The following GPCPD1 variants were observed in gnomAD, a reference collection of about 807,000 sequenced individuals.
The protein encoded by GPCPD1 is glycerophosphocholine phosphodiesterase GPCPD1.
Under a neutral mutation model 89.2 loss-of-function variants are expected in GPCPD1, and 29 were observed. That is an observed-to-expected ratio of 0.33 (90% CI 0.24 to 0.44). The LOEUF (loss-of-function observed/expected upper bound fraction) is 0.44. Among genes scored for constraint, GPCPD1 ranks in the 20% least tolerant of loss-of-function variants. The pLI is 1.00. For synonymous variants in GPCPD1, 258 were observed against 266.3 expected (o/e 0.97, Z 0.30); for missense variants, 594 against 808.9 (o/e 0.73, Z 3.22).
At chr20:5,602,602 C>T (rs1029116866) in intron 2 of GPCPD1, among the ~76,000 whole-genome samples, 6 of 152,374 alleles carry the variant, frequency 3.9e-5, no homozygotes, top group Middle Eastern at 3.4e-3. Flanking sequence ...GTCATTCACT[C>T]ATTCTTTGAA....
At chr20:5,602,707 G>T (rs891318903) in intron 2 of GPCPD1, among the ~76,000 whole-genome samples, 1 of 152,174 alleles carries the variant, frequency 6.6e-6, no homozygotes, top group Non-Finnish European at 1.5e-5. Context: ...ACCAGGCACG[G>T]TCTGTAATCT....
chr20:5,567,715 C>G (rs1391062870), intron 12 of GPCPD1, 155 bp from the exon 13 acceptor site: 2 of 662,422 alleles, frequency 3.0e-6, no homozygotes. Flanking sequence ...CATACTGAGC[C>G]CATGCAGGAC....
chr20:5,553,603 T>C (rs1985559350), intron 19 of GPCPD1, among the ~76,000 whole-genome samples: 2 of 152,130 alleles, frequency 1.3e-5, no homozygotes, highest in South Asian at 2.1e-4. Flanking sequence ...TTGAAGGAAA[T>C]TGAAAGTGCT....
chr20:5,586,500 G>A (rs1324463713), intron 4 of GPCPD1, among the ~76,000 whole-genome samples: 1 of 152,050 alleles, frequency 6.6e-6, no homozygotes, highest in Non-Finnish European at 1.5e-5. Flanking sequence ...AGATGAACTG[G>A]CACACAGAAC....
chr20:5,609,519 C>T (rs559186208), intron 1 of GPCPD1, among the ~76,000 whole-genome samples: 1 of 152,264 alleles, frequency 6.6e-6, no homozygotes, highest in African/African-American at 2.4e-5. Flanking sequence ...CAAATGTTTT[C>T]CATTCATTTT....
chr20:5,558,853 T>TG (rs1457281544), intron 17 of GPCPD1, 34 bp from the exon 18 acceptor site: 13 of 1,487,816 alleles, frequency 8.7e-6, no homozygotes, highest in Admixed American at 2.3e-5. Context: ...TACCTTTCAA[T>TG]GGGGGGTAAC....
In GPCPD1 at chr20:5,570,168, G is replaced by A; in HGVS notation, c.1128C>T (p.Thr376=). Residue 376 remains threonine (T), a synonymous_variant, in exon 12 of 20, where the codon ACC becomes ACT. Coordinates refer to ENST00000379019, the MANE Select transcript of GPCPD1 (RefSeq NM_019593.5). The part of the protein sequence containing the change: ...DFVPVVYHDL[T]CCLTMKKKFD... ...GTACCTTTTTCATAGTCAAACAACAGGTAAGATCATGATATACCACGGGCA... is the reference window on the plus strand; with the variant it reads ...GTACCTTTTTCATAGTCAAACAACAAGTAAGATCATGATATACCACGGGCA... 1 of 1,555,674 alleles carries A rather than the reference G, an allele frequency of 6.4e-7. No homozygotes were observed. The highest frequency in any genetic ancestry group is 8.9e-7 in the Non-Finnish European group (1 of 1,129,276).
At chr20:5,575,578 TA>T in intron 9 of GPCPD1, 33 bp from the exon 10 acceptor site, 7 of 1,427,880 alleles carry the variant, frequency 4.9e-6, no homozygotes, top group Non-Finnish European at 5.9e-6. Flanking sequence ...GGAACAAAAA[TA>T]AAAATGATTA....
At chr20:5,562,342 G>T (rs1986135127) in intron 15 of GPCPD1, among the ~76,000 whole-genome samples, 1 of 152,172 alleles carries the variant, frequency 6.6e-6, no homozygotes, top group African/African-American at 2.4e-5. Flanking sequence ...GAGCACAGTG[G>T]CACAATCTCA....
chr20:5,547,958 A>C (rs1985125004), intron 19 of GPCPD1, 108 bp from the exon 20 acceptor site: 2 of 564,236 alleles, frequency 3.5e-6, no homozygotes, highest in South Asian at 6.4e-5. Flanking sequence ...AATGCCTGGA[A>C]CATCCACATC....
At chr20:5,604,700 G>A (rs1043044474) in intron 1 of GPCPD1, among the ~76,000 whole-genome samples, 6 of 145,470 alleles carry the variant, frequency 4.1e-5, no homozygotes, top group Non-Finnish European at 9.0e-5. Flanking sequence ...AACACTTAAG[G>A]AGGCTGAGGC....
intron 19 of GPCPD1, among the ~76,000 whole-genome samples, chr20:5,555,429 C>T (rs1985701333): frequency 6.6e-6 from 1 of 152,216 alleles, no homozygotes; most frequent in African/African-American, 2.4e-5. Flanking sequence ...GTCCCAGCTA[C>T]TCGGGAGGCT....
chr20:5,586,458 A>C (rs1313221631), intron 4 of GPCPD1, among the ~76,000 whole-genome samples, 189 bp from the exon 5 acceptor site: 1 of 152,232 alleles, frequency 6.6e-6, no homozygotes, highest in Non-Finnish European at 1.5e-5. Context: ...GCTGGAAGAA[A>C]ATTAGAGTGA....
rs1164754193 is a variant in GPCPD1 at position 5,582,186 on chromosome 20, CAAAAAAAAAAAAAAAAAAAA to C, written c.349+2075_350-2056del. The stretch of plus-strand genomic sequence containing the variant: ...GGGCGACAGAGCGAGACTCCCGTCT[CAAAAAAAAAAAAAAAAAAAA>C]AAAAAAAAAAAAACTACTACTCCAT... On this transcript the variant is annotated intron_variant, in intron 6 of 19. Transcript: ENST00000379019. 1.3e-3 allele frequency among the ~76,000 whole-genome samples: 46 copies of C among 36,284 alleles called. 1 individual carries two copies. Among genetic ancestry groups the C allele is most frequent in the Admixed American group, 9.8e-3 (18 of 1,830 alleles). The allele number at this position is 36,284 out of a possible 152,430, so 23.8% of individuals were successfully genotyped here.
chr20:5,589,100 G>A (rs1979143393), intron 4 of GPCPD1, among the ~76,000 whole-genome samples: 1 of 152,096 alleles, frequency 6.6e-6, no homozygotes, highest in South Asian at 2.1e-4. Flanking sequence ...GACTTGAATA[G>A]AATAGCATAT....
intron 11 of GPCPD1, among the ~76,000 whole-genome samples, chr20:5,571,640 G>A (rs11087686): frequency 0.14 from 21,483 of 152,188 alleles, 1,786 homozygotes; most frequent in Middle Eastern, 0.2. Flanking sequence ...AGGGTGCAGT[G>A]GCTCACGCCT....
At chr20:5,559,404 G>C (rs1235467150) in intron 17 of GPCPD1, among the ~76,000 whole-genome samples, 1 of 152,050 alleles carries the variant, frequency 6.6e-6, no homozygotes, top group Admixed American at 6.6e-5. Flanking sequence ...TGTGAAAGAG[G>C]AGGAGACCTC....
At chr20:5,605,665 C>G (rs1184798234) in intron 1 of GPCPD1, among the ~76,000 whole-genome samples, 1 of 152,104 alleles carries the variant, frequency 6.6e-6, no homozygotes, top group African/African-American at 2.4e-5. Flanking sequence ...GTAATCTCAG[C>G]TACTCAGGAG....
At chr20:5,559,132 C>G (rs1985942603) in intron 17 of GPCPD1, among the ~76,000 whole-genome samples, 1 of 150,338 alleles carries the variant, frequency 6.7e-6, no homozygotes, top group South Asian at 2.1e-4. Flanking sequence ...AACCTGAAGG[C>G]AGAGGTTGCA....
Sources: gnomAD v4.1 joint callset for allele counts (sites outside exome capture counted in the v4.1 genomes callset) on GRCh38, gnomAD v4.1.1 for gene constraint, MANE v1.5 for transcripts, NCBI Gene and HGNC (gene_info 2026-07-23, HGNC 2026-07-21) for gene names.